NUMB: variants seen among roughly 807,000 people sequenced by gnomAD.
NUMB encodes protein numb homolog.
A neutral mutation model predicts 59.7 loss-of-function variants in NUMB; 29 were observed. The observed-to-expected ratio is 0.49, with a 90% CI of 0.36 to 0.66. The LOEUF (loss-of-function observed/expected upper bound fraction) is 0.66. Among genes scored for constraint, NUMB ranks in the 30% least tolerant of loss-of-function variants. NUMB has a pLI of 0.00. For missense variants in NUMB, 723 were observed against 822.0 expected, an observed-to-expected ratio of 0.88 and a Z score of 1.47; for synonymous variants, 288 against 288.2, an observed-to-expected ratio of 1.00 and a Z score of 0.01.
chr14:73,351,977 A>AAAAAT (rs1375223944), intron 4 of NUMB, among the ~76,000 whole-genome samples: 2 of 151,654 alleles, frequency 1.3e-5, no homozygotes, highest in Admixed American at 6.6e-5. Context: ...CTCTGTCTCA[A>AAAAAT]AAAATAAAAT....
intron 7 of NUMB, among the ~76,000 whole-genome samples, chr14:73,295,225 T>C (rs1403721953): frequency 6.6e-6 from 1 of 152,138 alleles, no homozygotes; most frequent in African/African-American, 2.4e-5. Flanking sequence ...CATGGCATGG[T>C]GTTATCACCA....
chr14:73,376,405 G>A (rs1010715932), intron 2 of NUMB, among the ~76,000 whole-genome samples: 1 of 151,908 alleles, frequency 6.6e-6, no homozygotes, highest in Non-Finnish European at 1.5e-5. Context: ...AATAAATGGA[G>A]AGACATTCCA....
intron 6 of NUMB, among the ~76,000 whole-genome samples, chr14:73,316,056 G>C (rs1448580011): frequency 6.6e-6 from 1 of 151,886 alleles, no homozygotes; most frequent in Non-Finnish European, 1.5e-5. Flanking sequence ...TTGTATTTTT[G>C]GTAGAGACAG....
intron 12 of NUMB, among the ~76,000 whole-genome samples, chr14:73,277,955 G>A (rs1237809792): frequency 6.7e-6 from 1 of 149,800 alleles, no homozygotes; most frequent in Non-Finnish European, 1.5e-5. Flanking sequence ...CTACTCGGGA[G>A]GCTGAGGCAA....
intron 1 of NUMB, among the ~76,000 whole-genome samples, chr14:73,412,344 T>C (rs1387603949): frequency 1.3e-5 from 2 of 152,080 alleles, no homozygotes; most frequent in Middle Eastern, 3.2e-3. Flanking sequence ...ATGAGGGGTC[T>C]TGGCTGGGCA....
intron 2 of NUMB, among the ~76,000 whole-genome samples, chr14:73,389,286 A>AAC (rs1555377218): frequency 1.1e-4 from 11 of 97,882 alleles, no homozygotes; most frequent in African/African-American, 7.9e-4. Flanking sequence ...AAAAAAAAAA[A>AAC]AAAAAAACAA....
At chr14:73,284,711 C>T (rs1888866080) in intron 9 of NUMB, 2 of 197,628 alleles carry the variant, frequency 1.0e-5, no homozygotes, top group Non-Finnish European at 2.1e-5. Context: ...TCATGATTTT[C>T]AATGCTTGTG....
intron 2 of NUMB, among the ~76,000 whole-genome samples, chr14:73,387,763 A>AC (rs1895625350): frequency 2.0e-5 from 3 of 151,434 alleles, no homozygotes; most frequent in African/African-American, 4.9e-5. Flanking sequence ...AAACAAACAA[A>AC]AAAAAAACCA....
intron 6 of NUMB, among the ~76,000 whole-genome samples, chr14:73,312,796 A>G (rs1188372914): frequency 1.3e-5 from 2 of 151,510 alleles, no homozygotes; most frequent in Admixed American, 6.6e-5. Flanking sequence ...ACTGCTTCTG[A>G]TATTTCTTTT....
chr14:73,318,111 C>T (rs1308111200), intron 5 of NUMB, among the ~76,000 whole-genome samples: 1 of 152,130 alleles, frequency 6.6e-6, no homozygotes, highest in Non-Finnish European at 1.5e-5. Flanking sequence ...TTTGGTGACC[C>T]TAGTTTTGTT....
intron 3 of NUMB, among the ~76,000 whole-genome samples, chr14:73,358,332 G>T (rs1452132816): frequency 1.3e-5 from 2 of 152,108 alleles, no homozygotes; most frequent in Non-Finnish European, 2.9e-5. Flanking sequence ...CCCTTCAATT[G>T]CTTCACACCA....
At position 73,435,352 on chromosome 14, in the gene NUMB, C is replaced by A. The variant is rs1001077469; in HGVS notation, c.-233+23141G>T. Among the ~76,000 whole-genome samples the A allele has an allele frequency of 2.0e-5, 3 of 147,818 alleles. No homozygotes were observed. In the Admixed American group the frequency reaches 2.1e-4, roughly 10 times the overall value. On this transcript the variant is annotated intron_variant, in intron 1 of 12. Coordinates refer to ENST00000555238, the MANE Select transcript of NUMB (RefSeq NM_001005743.2). ...GCAGTGGCGCGATCTCGACTCACTACAAGCTCCACCTCCCAGGTTCACGCC... is the reference window on the plus strand; with the variant it reads ...GCAGTGGCGCGATCTCGACTCACTAAAAGCTCCACCTCCCAGGTTCACGCC...
At chr14:73,446,612 A>G (rs888053459) in intron 1 of NUMB, among the ~76,000 whole-genome samples, 1 of 151,920 alleles carries the variant, frequency 6.6e-6, no homozygotes, top group Non-Finnish European at 1.5e-5. Flanking sequence ...CTCAAAAAAA[A>G]AAAAAAAAAT....
chr14:73,345,166 A>C (rs1892841064), intron 4 of NUMB, among the ~76,000 whole-genome samples: 1 of 152,258 alleles, frequency 6.6e-6, no homozygotes, highest in Non-Finnish European at 1.5e-5. Context: ...CAATAAAGTC[A>C]TTAAAAAACC....
At chr14:73,282,238 G>A in intron 11 of NUMB, 121 bp downstream of exon 11, 1 of 834,154 alleles carries the variant, frequency 1.2e-6, no homozygotes, top group East Asian at 2.8e-5. Flanking sequence ...ACATCAAATA[G>A]AGAAATTAAT....
chr14:73,299,630 CAT>C (rs1318745302), intron 6 of NUMB, among the ~76,000 whole-genome samples: 2 of 150,630 alleles, frequency 1.3e-5, no homozygotes, highest in African/African-American at 4.9e-5. Context: ...TATAATATGA[CAT>C]ATCTCCTAGC....
intron 4 of NUMB, among the ~76,000 whole-genome samples, chr14:73,354,736 G>C (rs909183375): frequency 7.0e-6 from 1 of 142,024 alleles, no homozygotes; most frequent in South Asian, 2.3e-4. Context: ...GCACAGGCAA[G>C]AGAATCGCTT....
chr14:73,451,072 T>A (rs1426307572), intron 1 of NUMB, among the ~76,000 whole-genome samples: 1 of 141,350 alleles, frequency 7.1e-6, no homozygotes, highest in African/African-American at 2.7e-5. Context: ...GAGAATTGCT[T>A]GAACCCAGGA....
chr14:73,366,208 T>C (rs1894336541), intron 3 of NUMB, among the ~76,000 whole-genome samples: 1 of 152,158 alleles, frequency 6.6e-6, no homozygotes, highest in Non-Finnish European at 1.5e-5. Context: ...GGCCCTTATA[T>C]ATGTAAGGCT....
Sources: allele counts gnomAD v4.1 joint callset (sites outside exome capture counted in the v4.1 genomes callset), GRCh38; gene constraint gnomAD v4.1.1; transcripts MANE v1.5; gene names NCBI Gene and HGNC (gene_info 2026-07-23, HGNC 2026-07-21).